The following ASTN2 variants were observed in gnomAD, a reference collection of about 807,000 sequenced individuals.
ASTN2 encodes the protein astrotactin-2.
A neutral mutation model predicts 139.8 loss-of-function variants in ASTN2; 54 were observed. The observed-to-expected ratio is 0.39, with a 90% CI of 0.31 to 0.48. The LOEUF (loss-of-function observed/expected upper bound fraction) is 0.48, where lower values mean the gene tolerates loss of function less well. Ranked by LOEUF, ASTN2 falls within the 20% of genes least tolerant of loss-of-function variation. The probability of loss-of-function intolerance (pLI) is 0.95; values close to 1 mark genes in which losing one functional copy is unlikely to be tolerated. For missense variants in ASTN2, 1,565 were observed against 1,725.1 expected, an observed-to-expected ratio of 0.91 and a Z score of 1.64; for synonymous variants, 756 against 719.5, an observed-to-expected ratio of 1.05 and a Z score of -0.81.
intron 17 of ASTN2, among the ~76,000 whole-genome samples, chr9:116,631,934 T>C (rs532332899): frequency 2.8e-4 from 43 of 151,706 alleles, no homozygotes; most frequent in East Asian, 7.8e-4. Context: ...GCCAACATAG[T>C]GAAACCCCGT....
intron 10 of ASTN2, among the ~76,000 whole-genome samples, chr9:116,908,794 T>A (rs1834235764): frequency 6.6e-6 from 1 of 152,234 alleles, no homozygotes. Context: ...CATTATAATG[T>A]ATGCGTGTAT....
chr9:117,207,535 G>A (rs1831971356), intron 3 of ASTN2, among the ~76,000 whole-genome samples: 1 of 152,156 alleles, frequency 6.6e-6, no homozygotes, highest in Non-Finnish European at 1.5e-5. Context: ...TACACACCTA[G>A]ACCAACTGAG....
At position 117,141,395 on chromosome 9, in the gene ASTN2, T is replaced by G. The variant is rs767144761; in HGVS notation, c.1099A>C (p.Ile367Leu). 4.4e-6 allele frequency: 6 copies of G among 1,367,506 alleles called. No homozygotes were observed. In the African/African-American group the frequency reaches 7.4e-5, roughly 17 times the overall value. The allele number at this position is 1,367,506 out of a possible 1,614,324, so 84.7% of individuals were successfully genotyped here. The change falls in exon 4 of 23, where the codon ATC becomes CTC. Residue 367 changes from isoleucine to leucine, a missense_variant. Physicochemically the swap from Ile to Leu is conservative, Grantham distance 5. This residue lies in a region of ASTN2 where 596 missense variants were observed against 576.8 expected (regional missense o/e 1.03). Transcript: ENST00000313400. ...CGCAGGGGTGGTTGCAGCTGACCGA[T>G]CTCGATGGGCGTGTTAGCGCGGAAA... ...ESFRANTPIE[I>L]GQLQPPLRST...
chr9:116,981,657 A>G (rs1350144675), intron 7 of ASTN2, among the ~76,000 whole-genome samples: 1 of 152,244 alleles, frequency 6.6e-6, no homozygotes, highest in African/African-American at 2.4e-5. Context: ...TGGTATCAAT[A>G]GTTCAATGCA....
chr9:117,248,498 T>C (rs1182892683), intron 2 of ASTN2, among the ~76,000 whole-genome samples: 1 of 152,182 alleles, frequency 6.6e-6, no homozygotes, highest in Admixed American at 6.5e-5. Flanking sequence ...CAGAATTGCA[T>C]TGTTTGGATC....
rs117452920 is a variant in ASTN2 at position 117,313,655 on chromosome 9, G to A, written c.443-22142C>T. On this transcript the variant is annotated intron_variant, in intron 1 of 22. Coordinates refer to ENST00000313400, the MANE Select transcript of ASTN2 (RefSeq NM_001365068.1). ...ATTGAGTGCCACTGATTGATAAATG[G>A]GGGCCAAAGTCACCAAACTCCCCAA... Among the ~76,000 whole-genome samples the A allele has an allele frequency of 4.9e-3, 742 of 152,186 alleles. 2 individuals are homozygous for A. Among genetic ancestry groups the A allele is most frequent in the Non-Finnish European group, 8.9e-3 (605 of 68,014 alleles).
chr9:116,927,221 C>T (rs1386747673), intron 10 of ASTN2, among the ~76,000 whole-genome samples: 2 of 152,128 alleles, frequency 1.3e-5, no homozygotes, highest in African/African-American at 2.4e-5. Flanking sequence ...GTCTCCACCA[C>T]CTCCCTCATC....
At chr9:117,248,544 T>G (rs1315016054) in intron 2 of ASTN2, among the ~76,000 whole-genome samples, 1 of 152,144 alleles carries the variant, frequency 6.6e-6, no homozygotes, top group Non-Finnish European at 1.5e-5. Context: ...TGGAGTTAGG[T>G]CAATCCTTAA....
rs1847258758 is a variant in ASTN2, at chr9:116,424,697, C to A, written c.*1154G>T. On this transcript the variant is annotated 3_prime_UTR_variant, in exon 23 of 23. Coordinates refer to ENST00000313400, the MANE Select transcript of ASTN2 (RefSeq NM_001365068.1). The stretch of plus-strand genomic sequence containing the variant: ...GGTTCAAGCAATTCTCATGCCTCAG[C>A]CTCCCAAGTAGCTGGGATTGATTAC... 6.6e-6 allele frequency among the ~76,000 whole-genome samples: 1 copy of A among 151,872 alleles called. No homozygotes were observed. The highest frequency in any genetic ancestry group is 2.4e-5 in the African/African-American group (1 of 41,308).
chr9:117,335,409 A>G (rs1828851975), intron 1 of ASTN2, among the ~76,000 whole-genome samples: 1 of 152,206 alleles, frequency 6.6e-6, no homozygotes, highest in Non-Finnish European at 1.5e-5. Flanking sequence ...AAACATCTCC[A>G]TGTTAGGAAG....
intron 20 of ASTN2, among the ~76,000 whole-genome samples, chr9:116,450,995 C>T (rs1156261400): frequency 6.6e-6 from 1 of 152,162 alleles, no homozygotes; most frequent in Admixed American, 6.5e-5. Flanking sequence ...GGTTGGGCTC[C>T]AAACACCAGC....
chr9:116,511,714 T>C (rs1850390889), intron 19 of ASTN2, among the ~76,000 whole-genome samples: 1 of 152,178 alleles, frequency 6.6e-6, no homozygotes, highest in Non-Finnish European at 1.5e-5. Flanking sequence ...ATTCAACTTC[T>C]TCCTGGTTTA....
chr9:117,365,305 AAG>A (rs753998038), intron 1 of ASTN2, among the ~76,000 whole-genome samples: 1 of 147,152 alleles, frequency 6.8e-6, no homozygotes, highest in East Asian at 2.0e-4. Flanking sequence ...AAGAAAAAGA[AAG>A]AAAGAAAAAG....
At chr9:117,149,001 T>A (rs1164825792) in intron 3 of ASTN2, among the ~76,000 whole-genome samples, 1 of 151,894 alleles carries the variant, frequency 6.6e-6, no homozygotes, top group African/African-American at 2.4e-5. Flanking sequence ...TTTCTTTTTT[T>A]TTTAATTTTA....
intron 17 of ASTN2, among the ~76,000 whole-genome samples, chr9:116,644,499 G>T (rs1252885881): frequency 2.0e-5 from 3 of 152,134 alleles, no homozygotes; most frequent in Non-Finnish European, 4.4e-5. Context: ...AGAAAACTGA[G>T]CCTTGGAAAA....
At chr9:116,486,673 T>C (rs1383797440) in intron 20 of ASTN2, among the ~76,000 whole-genome samples, 3 of 152,184 alleles carry the variant, frequency 2.0e-5, no homozygotes, top group African/African-American at 4.8e-5. Context: ...CTCTATGTTA[T>C]AGCTTATGAT....
chr9:117,309,913 C>A (rs1192500034), intron 1 of ASTN2, among the ~76,000 whole-genome samples: 1 of 152,116 alleles, frequency 6.6e-6, no homozygotes, highest in Non-Finnish European at 1.5e-5. Context: ...CTGTCACCAT[C>A]TTGAAATTAC....
chr9:116,796,746 C>T (rs10759861), intron 13 of ASTN2, among the ~76,000 whole-genome samples: 127,568 of 152,156 alleles, frequency 0.84, 53,686 homozygotes, highest in East Asian at 0.98. Flanking sequence ...AGATCTATTA[C>T]ATAGTATAGT....
At chr9:117,029,215 A>G (rs937635005) in intron 6 of ASTN2, among the ~76,000 whole-genome samples, 2 of 152,142 alleles carry the variant, frequency 1.3e-5, no homozygotes, top group African/African-American at 4.8e-5. Context: ...AAACAAGGTA[A>G]TACCTTGCAA....
Sources: gnomAD v4.1 joint callset for allele counts (sites outside exome capture counted in the v4.1 genomes callset) on GRCh38, gnomAD v4.1.1 for gene constraint, gnomAD v4.1.1 regional missense constraint, MANE v1.5 for transcripts, NCBI Gene and HGNC (gene_info 2026-07-23, HGNC 2026-07-21) for gene names.